The following TCF20 variants were observed in gnomAD, a reference collection of about 807,000 sequenced individuals.
TCF20 encodes transcription factor 20.
Under a neutral mutation model 148.6 loss-of-function variants are expected in TCF20, and 3 were observed. The ratio of observed to expected loss-of-function variants is 0.02; its 90% CI spans 0.01 to 0.05. The LOEUF (loss-of-function observed/expected upper bound fraction) is 0.05, where lower values mean the gene tolerates loss of function less well. Among genes scored for constraint, TCF20 ranks in the 10% least tolerant of loss-of-function variants. The pLI is 1.00. For synonymous variants in TCF20, 1,049 were observed against 909.5 expected (o/e 1.15, Z -2.76); for missense variants, 2,350 against 2,429.3 (o/e 0.97, Z 0.69).
chr22:42,260,214 G>C (rs1925956585), intron 1 of TCF20, among the ~76,000 whole-genome samples: 1 of 152,118 alleles, frequency 6.6e-6, no homozygotes, highest in African/African-American at 2.4e-5. Context: ...AGCTTGAGGA[G>C]TTCAAGAAAC....
chr22:42,340,116 C>T (rs534130762), intron 1 of TCF20, among the ~76,000 whole-genome samples: 1 of 152,166 alleles, frequency 6.6e-6, no homozygotes, highest in Non-Finnish European at 1.5e-5. Flanking sequence ...CCTTTCCTTA[C>T]CTGTTCTGCT....
At chr22:42,270,079 A>C (rs1039071221) in intron 1 of TCF20, 2 of 152,794 alleles carry the variant, frequency 1.3e-5, no homozygotes, top group Non-Finnish European at 2.9e-5. Context: ...GCCCCGCCGG[A>C]ACCCCGGGCC....
intron 1 of TCF20, among the ~76,000 whole-genome samples, chr22:42,251,810 G>GT (rs1477436219): frequency 6.6e-6 from 1 of 151,526 alleles, no homozygotes; most frequent in Non-Finnish European, 1.5e-5. Context: ...GCCCAAATAA[G>GT]TATTTTTTAA....
intron 1 of TCF20, among the ~76,000 whole-genome samples, chr22:42,301,784 G>A (rs142929968): frequency 6.6e-6 from 1 of 152,350 alleles, no homozygotes; most frequent in East Asian, 1.9e-4. Flanking sequence ...CTCACTGCCA[G>A]CGGGCAAAAC....
chr22:42,212,430 T>A lies in TCF20; in HGVS notation c.2876A>T (p.Glu959Val). The change falls in exon 2 of 6, where the codon GAG becomes GTG. Residue 959 changes from glutamate (E) to valine (V), a missense_variant. By Grantham distance (121) the Glu-to-Val change is moderately radical (BLOSUM62 -2). Coordinates refer to ENST00000677622, the MANE Select transcript of TCF20 (RefSeq NM_001378418.1). ...AGGGCTGGCATTGCCGCGGTAAGAC[T>A]CATGCTTGATGCTAGGAGGATGGCA... is the stretch of plus-strand genomic sequence containing the variant. ...DHCHPPSIKH[E>V]SYRGNASPGA... The A allele has an allele frequency of 6.2e-7, 1 of 1,614,212 alleles. No individual in the cohort carries two copies.
intron 1 of TCF20, among the ~76,000 whole-genome samples, chr22:42,240,906 A>G (rs1924339822): frequency 6.6e-6 from 1 of 151,622 alleles, no homozygotes; most frequent in African/African-American, 2.4e-5. Flanking sequence ...CCCAGGCTGG[A>G]GTGCAGTGGC....
upstream of TCF20, among the ~76,000 whole-genome samples, chr22:42,270,713 GGCGGGAGGGCGCGCGGCGGGGCGGGGCGC>G (rs1477664961): frequency 6.9e-6 from 1 of 144,192 alleles, no homozygotes; most frequent in African/African-American, 2.5e-5. Context: ...CGCGCGGGCG[GGCGGGAGGGCGCGCGGCGGGGCGGGGCGC>G]GCGGCGGGGG....
intron 1 of TCF20, among the ~76,000 whole-genome samples, chr22:42,236,761 G>A (rs935876816): frequency 4.6e-5 from 7 of 152,156 alleles, no homozygotes; most frequent in South Asian, 4.1e-4. Flanking sequence ...GTTCCAGACC[G>A]TGGCAATAAA....
Position 42,199,952 on chromosome 22 carries a change from G to T in TCF20, c.5655+9699C>A, listed in dbSNP as rs1173483606. Among the ~76,000 whole-genome samples, 3 of 83,656 alleles carry T rather than the reference G, an allele frequency of 3.6e-5. 1 individual carries two copies. Among genetic ancestry groups the T allele is most frequent in the African/African-American group, 1.7e-4 (3 of 17,998 alleles). 54.9% of individuals were successfully genotyped at this position (83,656 alleles called of 152,430 possible). A position where few individuals can be genotyped will look rare whatever the true frequency, so the allele number is the denominator to read the frequency against. On this transcript the variant is annotated intron_variant, in intron 2 of 5. Coordinates refer to ENST00000677622, the MANE Select transcript of TCF20 (RefSeq NM_001378418.1). The stretch of plus-strand genomic sequence containing the variant: ...CTTAAATTTTTTTGGTATCTTTTTG[G>T]GATTCTCTGGGTTTTTTTTTATAAA...
chr22:42,164,212 C>CTTTTTTTTT (rs56079117), intron 5 of TCF20, among the ~76,000 whole-genome samples: 5 of 83,508 alleles, frequency 6.0e-5, no homozygotes, highest in African/African-American at 1.9e-4. Flanking sequence ...TCATTTCTTT[C>CTTTTTTTTT]TTTTTTTTTT....
intron 3 of TCF20, among the ~76,000 whole-genome samples, chr22:42,178,707 CGA>C (rs1395523669): frequency 6.6e-6 from 1 of 150,688 alleles, no homozygotes; most frequent in Non-Finnish European, 1.5e-5. Context: ...CTCAGACTCC[CGA>C]GTAGCTGGGA....
rs531935330 is a variant in TCF20, at chr22:42,225,657, C to T, written c.-36-10316G>A. Among the ~76,000 whole-genome samples the T allele has an allele frequency of 4.5e-3, 682 of 150,134 alleles. 5 individuals carry two copies. The highest frequency in any genetic ancestry group is 6.7e-3 in the Admixed American group (101 of 15,124). ...AAAAAAAAAAATTACAACCCTTGAA[C>T]TATCTCAACAGTATCAGAGCTTTAT... On this transcript the variant is annotated intron_variant, in intron 1 of 5. Coordinates refer to ENST00000677622, the MANE Select transcript of TCF20 (RefSeq NM_001378418.1).
chr22:42,291,584 T>A (rs17002946), intron 1 of TCF20, among the ~76,000 whole-genome samples: 2,002 of 152,198 alleles, frequency 0.013, 42 homozygotes, highest in African/African-American at 0.046. Context: ...AGAGAGCAGT[T>A]TTCCTGATGG....
At chr22:42,178,052 T>A (rs1936549632) in intron 3 of TCF20, among the ~76,000 whole-genome samples, 1 of 152,164 alleles carries the variant, frequency 6.6e-6, no homozygotes, top group African/African-American at 2.4e-5. Flanking sequence ...GCCTACATGA[T>A]GAAGCCTCCA....
At chr22:42,314,476 G>A (rs1240920512) in intron 1 of TCF20, among the ~76,000 whole-genome samples, 2 of 152,242 alleles carry the variant, frequency 1.3e-5, no homozygotes, top group Non-Finnish European at 2.9e-5. Flanking sequence ...TCCTGCGGCA[G>A]GCGGGCAGGC....
chr22:42,187,248 T>C (rs1374573233), intron 2 of TCF20, among the ~76,000 whole-genome samples: 1 of 152,240 alleles, frequency 6.6e-6, no homozygotes, highest in Non-Finnish European at 1.5e-5. Flanking sequence ...CCCAGTCATC[T>C]GCTTCCCTCC....
chr22:42,168,897 G>A (rs1326475322), intron 4 of TCF20, among the ~76,000 whole-genome samples, 161 bp from the exon 5 acceptor site: 1 of 152,046 alleles, frequency 6.6e-6, no homozygotes, highest in Admixed American at 6.6e-5. Flanking sequence ...GTTTTCTGAG[G>A]CAAAATGTGA....
At chr22:42,309,122 G>A (rs1029607999) in intron 1 of TCF20, among the ~76,000 whole-genome samples, 6 of 152,080 alleles carry the variant, frequency 3.9e-5, no homozygotes, top group Admixed American at 1.3e-4. Flanking sequence ...GGCAGGAGGC[G>A]GTGGACCATG....
chr22:42,196,223 A>C (rs552021338), intron 2 of TCF20, among the ~76,000 whole-genome samples: 1 of 152,320 alleles, frequency 6.6e-6, no homozygotes, highest in East Asian at 1.9e-4. Context: ...ATGGGTGCTA[A>C]GTGGTGTAAC....
Sources: allele counts gnomAD v4.1 joint callset (sites outside exome capture counted in the v4.1 genomes callset), GRCh38; gene constraint gnomAD v4.1.1; transcripts MANE v1.5; gene names NCBI Gene and HGNC (gene_info 2026-07-23, HGNC 2026-07-21).